PIGP: variants seen among roughly 807,000 people sequenced by gnomAD.
PIGP encodes phosphatidylinositol glycan anchor biosynthesis class P.
A neutral mutation model predicts 16.9 loss-of-function variants in PIGP; 12 were observed. The ratio of observed to expected loss-of-function variants is 0.71; its 90% confidence interval spans 0.46 to 1.15. PIGP has a LOEUF of 1.15. Among genes scored for constraint, PIGP ranks in the 50% most tolerant of loss-of-function variants. The pLI is 0.00. For synonymous variants in PIGP, 57 were observed against 54.7 expected (o/e 1.04, Z -0.18); for missense variants, 159 against 153.5 (o/e 1.04, Z -0.19).
At chr21:37,065,790 CAT>C (rs2069892600) in intron 4 of PIGP, 78 bp from the exon 5 acceptor site, 2 of 1,270,742 alleles carry the variant, frequency 1.6e-6, no homozygotes, top group Admixed American at 2.0e-5. Flanking sequence ...AGACCCACCA[CAT>C]AGTTTACTAG....
At position 37,069,609 on chromosome 21, in the gene PIGP, CACACG is replaced by C. The variant is rs1313245520; in HGVS notation, c.93_97del (p.Val32GlyfsTer5). 1.3e-6 allele frequency: 2 copies of C among 1,567,336 alleles called. No individual in the cohort carries two copies. Among genetic ancestry groups the C allele is most frequent in the Non-Finnish European group, 1.7e-6 (2 of 1,153,110 alleles). Reference sequence around the variant, plus strand: ...TAGCCAAGATTCAGGAATAAAGGCCCACACGAGGTAAAGTACTGTAGAAAAGAAAA... The same window carrying C: ...TAGCCAAGATTCAGGAATAAAGGCCCAGGTAAAGTACTGTAGAAAAGAAAA... On this transcript the variant is annotated frameshift_variant, in exon 3 of 5. Coordinates refer to ENST00000360525, the MANE Select transcript of PIGP (RefSeq NM_153682.3). LOFTEE classifies it high-confidence loss of function.
intron 3 of PIGP, among the ~76,000 whole-genome samples, chr21:37,068,676 G>A (rs2146808038): frequency 6.6e-6 from 1 of 152,250 alleles, no homozygotes; most frequent in South Asian, 2.1e-4. Flanking sequence ...TGGTCAACTG[G>A]TGAGCCTCAC....
At chr21:37,067,489 A>G in intron 3 of PIGP, 109 bp from the exon 4 acceptor site, 1 of 671,708 alleles carries the variant, frequency 1.5e-6, no homozygotes, top group East Asian at 2.7e-5. Flanking sequence ...TTATAAAGTA[A>G]TATGTGTACA....
Position 37,072,450 on chromosome 21 carries a change from G to C in PIGP, c.66C>G (p.Ser22Arg). The C allele has an allele frequency of 6.2e-7, 1 of 1,614,236 alleles. No homozygotes were observed. The highest frequency in any genetic ancestry group is 8.5e-7 in the Non-Finnish European group (1 of 1,180,028). Reference protein sequence around the residue: ...RAIYGFVLFLSSQFGFILYLV... With the variant: ...RAIYGFVLFLRSQFGFILYLV... The stretch of plus-strand genomic sequence containing the variant: ...AGTACTTACTGAAGCCAAATTGGGA[G>C]CTTAAGAAAAGAACAAAGCCATAAA... The change falls in exon 2 of 5, where the codon AGC (serine) becomes AGG (arginine). Residue 22 changes from serine to arginine, a missense_variant. By Grantham distance (110) the Ser-to-Arg change is moderately radical (BLOSUM62 -1). Coordinates refer to ENST00000360525, the MANE Select transcript of PIGP (RefSeq NM_153682.3).
chr21:37,066,182 A>T (rs887916363), intron 4 of PIGP, among the ~76,000 whole-genome samples: 3 of 152,188 alleles, frequency 2.0e-5, no homozygotes, highest in African/African-American at 7.2e-5. Context: ...AAAGAAATCA[A>T]TATTTTAATC....
chr21:37,072,701 A>G lies in PIGP; in HGVS notation c.-22-164T>C, dbSNP rs567627335. On this transcript the variant is annotated intron_variant, in intron 1 of 4. Coordinates refer to ENST00000360525, the MANE Select transcript of PIGP (RefSeq NM_153682.3). ...CCGCCTCGAGCGCATACAGACACCC[A>G]GGCTGGCGCGCGCCCCGCAACAGAA... 3.8e-5 allele frequency: 43 copies of G among 1,130,576 alleles called. No homozygotes were observed. The Admixed American group carries it at 7.7e-4, about 20-fold the overall frequency. The allele number at this position is 1,130,576 out of a possible 1,614,324, so 70.0% of individuals were successfully genotyped here.
rs745677647 is a variant in PIGP, at chr21:37,072,527, C to CT, written c.-13dup. ...GAATTTTCCACCATTTTTCCTGGGG[C>CT]TTTAGACAATCTGTGGAAAAGGAAC... On this transcript the variant is annotated 5_prime_UTR_variant, in exon 2 of 5. Coordinates refer to ENST00000360525, the MANE Select transcript of PIGP (RefSeq NM_153682.3). 38 of 1,614,132 alleles carry CT rather than the reference C, an allele frequency of 2.4e-5. No individual in the cohort carries two copies. The highest frequency in any genetic ancestry group is 3.1e-5 in the Non-Finnish European group (37 of 1,180,038).
intron 3 of PIGP, among the ~76,000 whole-genome samples, chr21:37,067,581 T>C (rs1462821053): frequency 2.0e-5 from 3 of 152,198 alleles, no homozygotes; most frequent in Admixed American, 1.3e-4. Flanking sequence ...GGTCTCACTC[T>C]CCAAAAAGAA....
At position 37,071,953 on chromosome 21, in the gene PIGP, C is replaced by G. The variant is rs187596713; in HGVS notation, c.82+481G>C. Among the ~76,000 whole-genome samples, 23 of 152,324 alleles carry G rather than the reference C, an allele frequency of 1.5e-4. No individual in the cohort carries two copies. In the East Asian group the frequency reaches 4.4e-3, roughly 29 times the overall value. ...GGCACACTGGTGACATCACAAGCTC[C>G]TCGGGTCCAAACCCTCTCACGCCCT... On this transcript the variant is annotated intron_variant, in intron 2 of 4. Transcript: ENST00000360525.
rs762285406 is a variant in PIGP at position 37,072,634 on chromosome 21, GC to G, written c.-22-98del. 2.2e-4 allele frequency: 347 copies of G among 1,592,420 alleles called. 1 individual carries two copies. The African/African-American group carries it at 4.4e-3, about 20-fold the overall frequency. On this transcript the variant is annotated intron_variant, in intron 1 of 4. Transcript: ENST00000360525. ...CTCCGCCGCGGGTACGGCCCCCGCC[GC>G]GCAGAACCGCCTCCCGCGCCTCCGT...
chr21:37,067,728 C>T (rs1009652553), intron 3 of PIGP, among the ~76,000 whole-genome samples: 31 of 152,134 alleles, frequency 2.0e-4, no homozygotes, highest in African/African-American at 7.0e-4. Context: ...AGGAATTAAC[C>T]TCCTCCTATC....
At chr21:37,067,499 A>G (rs1254002483) in intron 3 of PIGP, 119 bp from the exon 4 acceptor site, 13 of 615,926 alleles carry the variant, frequency 2.1e-5, no homozygotes, top group Non-Finnish European at 3.7e-5. Flanking sequence ...ATATGTGTAC[A>G]TAAGAGACAA....
At chr21:37,066,158 C>T (rs2069900127) in intron 4 of PIGP, among the ~76,000 whole-genome samples, 1 of 151,700 alleles carries the variant, frequency 6.6e-6, no homozygotes, top group South Asian at 2.1e-4. Context: ...GTACTTTTTT[C>T]ATCTCTAACT....
rs1004060228 is a variant in PIGP at position 37,072,331 on chromosome 21, G to A, written c.82+103C>T. ...ATTTTCTTAAAAAGAGACATAGGGAGAAAGAATCAACAGTTCATGTGTGCA... is the reference window on the plus strand; with the variant it reads ...ATTTTCTTAAAAAGAGACATAGGGAAAAAGAATCAACAGTTCATGTGTGCA... On this transcript the variant is annotated intron_variant, in intron 2 of 4. Transcript: ENST00000360525. 13 of 1,596,228 alleles carry A rather than the reference G, an allele frequency of 8.1e-6. No individual in the cohort carries two copies. In the Admixed American group the frequency reaches 1.4e-4, roughly 17 times the overall value.
Position 37,069,548 on chromosome 21 carries a change from T to C in PIGP, c.155+4A>G. 1 of 1,523,668 alleles carries C rather than the reference T, an allele frequency of 6.6e-7. No individual in the cohort carries two copies. Among genetic ancestry groups the C allele is most frequent in the Non-Finnish European group, 8.9e-7 (1 of 1,122,032 alleles). The allele number at this position is 1,523,668 out of a possible 1,614,324, so 94.4% of individuals were successfully genotyped here. A position where few individuals can be genotyped will look rare whatever the true frequency, so the allele number is the denominator to read the frequency against. ...TCCTCATTTAAGAAATATATTAAAC[T>C]TACTTTTGAGGCCAATAGGTTAAAC... On this transcript the variant is annotated splice_donor_region_variant and intron_variant, in intron 3 of 4. Coordinates refer to ENST00000360525, the MANE Select transcript of PIGP (RefSeq NM_153682.3).
At chr21:37,072,170 G>C (rs1444637754) in intron 2 of PIGP, 2 of 1,364,824 alleles carry the variant, frequency 1.5e-6, no homozygotes, top group Non-Finnish European at 2.1e-6. Context: ...ACAAGACCAC[G>C]ACCTCCTTAA....
At chr21:37,071,056 G>A (rs2069997145) in intron 2 of PIGP, among the ~76,000 whole-genome samples, 1 of 152,174 alleles carries the variant, frequency 6.6e-6, no homozygotes, top group Non-Finnish European at 1.5e-5. Context: ...CCACCAGGCC[G>A]GCCAGAATTT....
chr21:37,065,509 T>C lies in PIGP; in HGVS notation c.*73A>G. 3.4e-6 allele frequency: 5 copies of C among 1,486,524 alleles called. No individual in the cohort carries two copies. The highest frequency in any genetic ancestry group is 4.6e-6 in the Non-Finnish European group (5 of 1,097,604). 92.1% of individuals were successfully genotyped at this position (1,486,524 alleles called of 1,614,324 possible). A position where few individuals can be genotyped will look rare whatever the true frequency, so the allele number is the denominator to read the frequency against. ...TTAATAAGAGAGATGGTCAAATTAA[T>C]TTATGGTCAAAATTATAATGGCAAA... On this transcript the variant is annotated 3_prime_UTR_variant, in exon 5 of 5. Transcript: ENST00000360525.
intron 2 of PIGP, among the ~76,000 whole-genome samples, chr21:37,070,608 T>A (rs1471826641): frequency 6.6e-6 from 1 of 152,240 alleles, no homozygotes; most frequent in African/African-American, 2.4e-5. Flanking sequence ...TACGTTTTTC[T>A]TATTTAACTT....
Sources: gnomAD v4.1 joint callset for allele counts (sites outside exome capture counted in the v4.1 genomes callset) on GRCh38, gnomAD v4.1.1 for gene constraint, MANE v1.5 for transcripts, NCBI Gene and HGNC (gene_info 2026-07-23, HGNC 2026-07-21) for gene names.